The following TNKS variants were observed in gnomAD, a reference collection of about 807,000 sequenced individuals.
TNKS encodes tankyrase.
TNKS carries 72 observed loss-of-function variants against 135.8 expected under a neutral mutation model. The ratio of observed to expected loss-of-function variants is 0.53; its 90% CI spans 0.44 to 0.64. TNKS has a LOEUF of 0.64. TNKS is among the 30% of genes least tolerant of loss of function. The probability of loss-of-function intolerance (pLI) is 0.00; values close to 1 mark genes in which losing one functional copy is unlikely to be tolerated. For synonymous variants in TNKS, 849 were observed against 649.3 expected (o/e 1.31, Z -4.68); for missense variants, 1,769 against 1,674.0 (o/e 1.06, Z -0.99).
intron 3 of TNKS, among the ~76,000 whole-genome samples, chr8:9,676,982 T>C (rs1802568392): frequency 6.6e-6 from 1 of 152,190 alleles, no homozygotes; most frequent in South Asian, 2.1e-4. Flanking sequence ...AGCACCATAG[T>C]CTCAGCCAGA....
intron 3 of TNKS, among the ~76,000 whole-genome samples, chr8:9,644,108 C>T (rs915400088): frequency 3.3e-5 from 5 of 151,944 alleles, no homozygotes; most frequent in African/African-American, 1.2e-4. Context: ...GTTGCCAGGG[C>T]CTGAAGAGAG....
chr8:9,627,692 A>T (rs1585249425), intron 3 of TNKS, among the ~76,000 whole-genome samples: 1 of 152,178 alleles, frequency 6.6e-6, no homozygotes, highest in African/African-American at 2.4e-5. Context: ...GTGTTTTTCC[A>T]CTCACTGTTT....
intron 3 of TNKS, among the ~76,000 whole-genome samples, chr8:9,646,212 A>G (rs936284639): frequency 2.0e-5 from 3 of 151,974 alleles, no homozygotes; most frequent in African/African-American, 7.3e-5. Flanking sequence ...CTTTTTTTAT[A>G]GTATTTTAAA....
chr8:9,770,411 A>G lies in TNKS; in HGVS notation c.3897+149A>G, dbSNP rs1357894204. On this transcript the variant is annotated intron_variant, in intron 26 of 26. Transcript: ENST00000310430. ...CTTCAGATACAAAATAAAGGTATCA[A>G]AATAATTCTTTGACATCAACTTTTT... 5.3e-6 allele frequency: 5 copies of G among 936,204 alleles called. No individual in the cohort carries two copies. In the African/African-American group the frequency reaches 6.7e-5, roughly 13 times the overall value. 58.0% of individuals were successfully genotyped at this position (936,204 alleles called of 1,614,324 possible). A position where few individuals can be genotyped will look rare whatever the true frequency, so the allele number is the denominator to read the frequency against.
In TNKS at chr8:9,751,712, C is replaced by T; in HGVS notation, c.2936C>T (p.Pro979Leu). ...GTAGTGAGTGCCTCTCTGATCTCAC[C>T]AGCATCCACCCCCTCCTGCCTCTCG... ...ATVVSASLIS[P>L]ASTPSCLSAA... is the part of the protein sequence containing the mutation. The change falls in exon 19 of 27, where the codon CCA becomes CTA. Residue 979 changes from proline (P) to leucine (L), a missense_variant. Physicochemically the swap from Pro to Leu is moderately conservative, Grantham distance 98 (BLOSUM62 -3). This residue lies in a region of TNKS where 722 missense variants were observed against 688.9 expected (regional missense o/e 1.05). Transcript: ENST00000310430. 1.2e-6 allele frequency: 2 copies of T among 1,614,188 alleles called. No homozygotes were observed. Among genetic ancestry groups the T allele is most frequent in the East Asian group, 2.2e-5 (1 of 44,888 alleles).
intron 22 of TNKS, among the ~76,000 whole-genome samples, chr8:9,763,853 A>G (rs998313085): frequency 6.6e-6 from 1 of 152,164 alleles, no homozygotes; most frequent in African/African-American, 2.4e-5. Flanking sequence ...CAATTGTGTT[A>G]TGCACATACC....
At chr8:9,612,747 C>T (rs1054436579) in intron 2 of TNKS, among the ~76,000 whole-genome samples, 2 of 152,164 alleles carry the variant, frequency 1.3e-5, no homozygotes, top group African/African-American at 4.8e-5. Context: ...GGGTTAGGAC[C>T]GTTGAACAAC....
intron 3 of TNKS, among the ~76,000 whole-genome samples, chr8:9,644,770 G>GT (rs1052502309): frequency 1.2e-4 from 18 of 151,816 alleles, no homozygotes; most frequent in Non-Finnish European, 1.9e-4. Flanking sequence ...TTTGACCTTG[G>GT]TTTTTTTTAC....
At chr8:9,640,305 A>T (rs557183592) in intron 3 of TNKS, among the ~76,000 whole-genome samples, 1 of 152,158 alleles carries the variant, frequency 6.6e-6, no homozygotes, top group Admixed American at 6.6e-5. Context: ...ACGGCAAGAC[A>T]GAAAAATGGC....
At chr8:9,741,793 T>C (rs760300228) in intron 17 of TNKS, 1 of 478,250 alleles carries the variant, frequency 2.1e-6, no homozygotes, top group Non-Finnish European at 4.5e-6. Context: ...TCACGTTCCC[T>C]TGAGGCTGAC....
At chr8:9,576,199 T>C (rs894432059) in intron 1 of TNKS, among the ~76,000 whole-genome samples, 1 of 152,182 alleles carries the variant, frequency 6.6e-6, no homozygotes, top group Non-Finnish European at 1.5e-5. Flanking sequence ...TCCTGCCCAA[T>C]TCCCGAGCAA....
intron 20 of TNKS, among the ~76,000 whole-genome samples, chr8:9,753,611 C>G (rs1437800817): frequency 6.6e-6 from 1 of 152,164 alleles, no homozygotes; most frequent in Non-Finnish European, 1.5e-5. Context: ...ATGATGGTAA[C>G]TCCTGAATTT....
chr8:9,578,113 G>A (rs558002057), intron 1 of TNKS, among the ~76,000 whole-genome samples: 1 of 152,284 alleles, frequency 6.6e-6, no homozygotes, highest in East Asian at 1.9e-4. Flanking sequence ...GGCCTTGGGC[G>A]GCTCCACCCC....
intron 20 of TNKS, among the ~76,000 whole-genome samples, chr8:9,755,876 C>T (rs1413319931): frequency 6.6e-6 from 1 of 152,202 alleles, no homozygotes. Context: ...CCTATCTTCA[C>T]AGTTACTCTC....
At chr8:9,771,696 A>G (rs866827673) in intron 26 of TNKS, among the ~76,000 whole-genome samples, 94 of 114,094 alleles carry the variant, frequency 8.2e-4, no homozygotes, top group African/African-American at 3.5e-3. Context: ...AGAGAGAGAG[A>G]GAGGAAGGGA....
chr8:9,708,583 T>G, intron 9 of TNKS, 91 bp downstream of exon 9: 26 of 1,263,628 alleles, frequency 2.1e-5, no homozygotes, highest in Non-Finnish European at 2.7e-5. Flanking sequence ...TAAAGTAACT[T>G]TAGTATCTGA....
chr8:9,559,258 A>G (rs1477590374), intron 1 of TNKS, among the ~76,000 whole-genome samples: 2 of 152,190 alleles, frequency 1.3e-5, no homozygotes, highest in Non-Finnish European at 2.9e-5. Flanking sequence ...AATATGTAAT[A>G]GGAGCTCTTA....
intron 3 of TNKS, among the ~76,000 whole-genome samples, chr8:9,623,211 T>G: frequency 6.6e-6 from 1 of 152,154 alleles, no homozygotes; most frequent in Non-Finnish European, 1.5e-5. Flanking sequence ...GTCACTAGGG[T>G]TGATGAACAT....
intron 3 of TNKS, among the ~76,000 whole-genome samples, chr8:9,664,934 T>G (rs1159970410): frequency 2.0e-5 from 3 of 152,238 alleles, no homozygotes; most frequent in Non-Finnish European, 4.4e-5. Context: ...AGTCCATTGT[T>G]GGGTAACTTA....
Sources: allele counts gnomAD v4.1 joint callset (sites outside exome capture counted in the v4.1 genomes callset), GRCh38; gene constraint gnomAD v4.1.1; regional missense constraint gnomAD v4.1.1; transcripts MANE v1.5; gene names NCBI Gene and HGNC (gene_info 2026-07-23, HGNC 2026-07-21).